Variants in PDS5B observed in about 807,000 individuals in gnomAD.
The protein encoded by PDS5B is sister chromatid cohesion protein PDS5 homolog B.
PDS5B carries 51 observed loss-of-function variants against 184.1 expected under a neutral mutation model. The observed-to-expected ratio is 0.28, with a 90% confidence interval of 0.22 to 0.35. The LOEUF (loss-of-function observed/expected upper bound fraction) is 0.35, where lower values mean the gene tolerates loss of function less well. Among genes scored for constraint, PDS5B ranks in the 10% least tolerant of loss-of-function variants. The pLI, the probability that PDS5B is intolerant of heterozygous loss-of-function variation, is 1.00. For synonymous variants in PDS5B, 566 were observed against 569.2 expected, an observed-to-expected ratio of 0.99 and a Z score of 0.08; for missense variants, 1,180 against 1,723.3, an observed-to-expected ratio of 0.68 and a Z score of 5.58.
chr13:32,619,795 G>A (rs1476501811), intron 1 of PDS5B, among the ~76,000 whole-genome samples: 1 of 151,986 alleles, frequency 6.6e-6, no homozygotes, highest in Non-Finnish European at 1.5e-5. Context: ...GACATCTTTG[G>A]TTAAACATTT....
intron 1 of PDS5B, among the ~76,000 whole-genome samples, chr13:32,597,628 G>C (rs1473903045): frequency 2.0e-5 from 3 of 151,896 alleles, no homozygotes; most frequent in Admixed American, 2.0e-4. Flanking sequence ...TGCGGGGGTT[G>C]CAAGGTCAAG....
intron 30 of PDS5B, among the ~76,000 whole-genome samples, chr13:32,762,574 A>G (rs1467590476): frequency 6.6e-6 from 1 of 152,092 alleles, no homozygotes; most frequent in Non-Finnish European, 1.5e-5. Context: ...CCATCAACTC[A>G]TTTTCTAAAT....
At position 32,775,113 on chromosome 13, in the gene PDS5B, G is replaced by C; in HGVS notation, c.*61G>C. ...TGGAAAAATCTTTTTTTTTTTTTTTGGTCAAGCTTGAGGCTGAATAAAGCC... is the reference window on the plus strand; with the variant it reads ...TGGAAAAATCTTTTTTTTTTTTTTTCGTCAAGCTTGAGGCTGAATAAAGCC... On this transcript the variant is annotated 3_prime_UTR_variant, in exon 35 of 35. Transcript: ENST00000315596. 7.8e-6 allele frequency: 1 copy of C among 128,906 alleles called. No individual in the cohort carries two copies. Among genetic ancestry groups the C allele is most frequent in the South Asian group, 1.7e-4 (1 of 5,728 alleles). 8.0% of individuals were successfully genotyped at this position (128,906 alleles called of 1,614,324 possible).
At chr13:32,665,256 C>CAATCAA in intron 6 of PDS5B, among the ~76,000 whole-genome samples, 1 of 152,074 alleles carries the variant, frequency 6.6e-6, no homozygotes, top group African/African-American at 2.4e-5. Flanking sequence ...CAATAAAGGT[C>CAATCAA]TAAATGTGAA....
intron 1 of PDS5B, among the ~76,000 whole-genome samples, chr13:32,586,845 G>C (rs1251979263): frequency 7.0e-6 from 1 of 143,688 alleles, no homozygotes; most frequent in Admixed American, 6.9e-5. Context: ...CCCCGCGGCC[G>C]GCGCGCGCCT....
chr13:32,764,366 A>G, intron 30 of PDS5B, 123 bp from the exon 31 acceptor site: 1 of 447,216 alleles, frequency 2.2e-6, no homozygotes, highest in Non-Finnish European at 3.9e-6. Flanking sequence ...TGGTAGAATG[A>G]AACTGATTCA....
At chr13:32,731,357 A>G (rs1953116096) in intron 19 of PDS5B, among the ~76,000 whole-genome samples, 2 of 152,146 alleles carry the variant, frequency 1.3e-5, no homozygotes, top group Non-Finnish European at 2.9e-5. Context: ...AAATAATACG[A>G]TGCATGAATG....
At chr13:32,639,501 G>A (rs2058621027) in intron 1 of PDS5B, among the ~76,000 whole-genome samples, 1 of 152,110 alleles carries the variant, frequency 6.6e-6, no homozygotes, top group Non-Finnish European at 1.5e-5. Flanking sequence ...GTTGAAAAAG[G>A]CAGATTTTTG....
intron 14 of PDS5B, 91 bp downstream of exon 14, chr13:32,694,395 C>T (rs1010843577): frequency 8.5e-6 from 7 of 827,410 alleles, no homozygotes; most frequent in Non-Finnish European, 1.4e-5. Flanking sequence ...ACAATTCTTT[C>T]TGTTTGCAAA....
At chr13:32,757,670 G>A (rs939009014) in intron 26 of PDS5B, among the ~76,000 whole-genome samples, 1 of 152,128 alleles carries the variant, frequency 6.6e-6, no homozygotes, top group Non-Finnish European at 1.5e-5. Flanking sequence ...TAATAAGGCA[G>A]TTATATTCTC....
chr13:32,611,748 A>G (rs926262084), intron 1 of PDS5B, among the ~76,000 whole-genome samples: 17 of 152,040 alleles, frequency 1.1e-4, no homozygotes, highest in African/African-American at 3.6e-4. Context: ...GGCTCAAGTG[A>G]TCCTTCCATC....
intron 18 of PDS5B, among the ~76,000 whole-genome samples, chr13:32,707,676 C>T (rs1321811610): frequency 7.2e-6 from 1 of 138,596 alleles, no homozygotes; most frequent in Non-Finnish European, 1.5e-5. Context: ...CCTTTGACCA[C>T]ATTACTTGCC....
intron 1 of PDS5B, among the ~76,000 whole-genome samples, chr13:32,635,722 G>A (rs1005619616): frequency 2.1e-4 from 32 of 149,366 alleles, no homozygotes; most frequent in African/African-American, 7.4e-4. Flanking sequence ...TTGGGCTAAC[G>A]TTTTTGTTTC....
Position 32,763,592 on chromosome 13 carries a change from C to T in PDS5B, c.3519-897C>T, listed in dbSNP as rs549276067. The T allele has an allele frequency of 2.0e-5, 3 of 152,090 alleles. 1 individual carries two copies. The South Asian group carries it at 6.2e-4, about 32-fold the overall frequency. 9.4% of individuals were successfully genotyped at this position (152,090 alleles called of 1,614,324 possible). A position where few individuals can be genotyped will look rare whatever the true frequency, so the allele number is the denominator to read the frequency against. ...ATGTTAGATAGATCAGATGATCTTT[C>T]TAATGGATTAGATGTGAACAGTTAG... On this transcript the variant is annotated intron_variant, in intron 30 of 34. Coordinates refer to ENST00000315596, the MANE Select transcript of PDS5B (RefSeq NM_015032.4).
chr13:32,641,449 G>T (rs1950086933), intron 1 of PDS5B, among the ~76,000 whole-genome samples: 2 of 152,018 alleles, frequency 1.3e-5, no homozygotes, highest in South Asian at 4.2e-4. Flanking sequence ...GGGAGTATTT[G>T]CTGAAGTCAT....
intron 16 of PDS5B, among the ~76,000 whole-genome samples, 187 bp downstream of exon 16, chr13:32,700,056 ATAT>A (rs1189377730): frequency 1.3e-5 from 2 of 152,142 alleles, no homozygotes; most frequent in African/African-American, 4.8e-5. Flanking sequence ...CTAAAATGAG[ATAT>A]TATACATACA....
At chr13:32,684,136 G>T (rs1951323167) in intron 11 of PDS5B, 113 bp downstream of exon 11, 1 of 431,740 alleles carries the variant, frequency 2.3e-6, no homozygotes, top group Non-Finnish European at 4.0e-6. Context: ...CCTTTTTTAG[G>T]GGTATGGAGG....
rs576548853 is a variant in PDS5B, at chr13:32,629,084, T to C, written c.-19-19670T>C. On this transcript the variant is annotated intron_variant, in intron 1 of 34. Coordinates refer to ENST00000315596, the MANE Select transcript of PDS5B (RefSeq NM_015032.4). ...GATCACCGGTTTTCAAATTTTTCTC[T>C]GTGAACTTTCTTGACAAGAGAAGTT... Among the ~76,000 whole-genome samples the C allele has an allele frequency of 2.6e-5, 4 of 152,306 alleles. No individual in the cohort carries two copies. The South Asian group carries it at 8.3e-4, about 32-fold the overall frequency.
chr13:32,619,469 A>G (rs1218532612), intron 1 of PDS5B, among the ~76,000 whole-genome samples: 2 of 152,228 alleles, frequency 1.3e-5, no homozygotes, highest in Non-Finnish European at 2.9e-5. Context: ...TAAAAAATGT[A>G]GAGCACTTAC....
Sources: gnomAD v4.1 joint callset for allele counts (sites outside exome capture counted in the v4.1 genomes callset) on GRCh38, gnomAD v4.1.1 for gene constraint, MANE v1.5 for transcripts, NCBI Gene and HGNC (gene_info 2026-07-23, HGNC 2026-07-21) for gene names.